Variants in MAN1C1 observed in about 807,000 individuals in gnomAD.
MAN1C1 encodes the protein mannosyl-oligosaccharide 1,2-alpha-mannosidase IC.
In MAN1C1, 49 loss-of-function variants were observed where a neutral mutation model predicts 71.5. The ratio of observed to expected loss-of-function variants is 0.69; its 90% CI spans 0.54 to 0.87. The LOEUF (loss-of-function observed/expected upper bound fraction) is 0.87. Among genes scored for constraint, MAN1C1 ranks in the 40% least tolerant of loss-of-function variants. The probability of loss-of-function intolerance (pLI) is 0.00; values close to 1 mark genes in which losing one functional copy is unlikely to be tolerated. For missense variants in MAN1C1, 743 were observed against 835.0 expected (o/e 0.89, Z 1.36); for synonymous variants, 352 against 343.7 (o/e 1.02, Z -0.27).
Position 25,753,460 on chromosome 1 carries a change from G to A in MAN1C1, c.835-24G>A. The A allele has an allele frequency of 1.9e-6, 3 of 1,587,536 alleles. No homozygotes were observed. In the Middle Eastern group the frequency reaches 5.0e-4, roughly 265 times the overall value. ...TCCCTCACCCAGCCTGGAGTCAAAA[G>A]CCCTTTGATCCCCTCCTTTACAGGT... On this transcript the variant is annotated intron_variant, in intron 4 of 11. Transcript: ENST00000374332. This position sits in a 1 kb window ranked among gnomAD's most constrained non-coding sequence, Gnocchi z 4.9.
chr1:25,622,036 G>A (rs1272912810), intron 1 of MAN1C1, among the ~76,000 whole-genome samples: 2 of 152,162 alleles, frequency 1.3e-5, no homozygotes, highest in East Asian at 3.9e-4. Flanking sequence ...ACTGGAGTTG[G>A]GACTTGCCCT....
At position 25,753,605 on chromosome 1, in the gene MAN1C1, G is replaced by A. The variant is rs1449292147; in HGVS notation, c.929+27G>A. On this transcript the variant is annotated intron_variant, in intron 5 of 11. Coordinates refer to ENST00000374332, the MANE Select transcript of MAN1C1 (RefSeq NM_020379.4). This position sits in a 1 kb window ranked among gnomAD's most constrained non-coding sequence, Gnocchi z 4.9. The stretch of plus-strand genomic sequence containing the variant: ...TAGGGCGCCATCGCGTTCCCCACTG[G>A]GGCTTTACTGCGACCATGCCCACCA... The A allele has an allele frequency of 6.3e-7, 1 of 1,594,046 alleles. No individual in the cohort carries two copies. The highest frequency in any genetic ancestry group is 1.7e-5 in the Admixed American group (1 of 59,426).
chr1:25,656,738 C>A (rs1256656435), intron 1 of MAN1C1, among the ~76,000 whole-genome samples: 1 of 151,870 alleles, frequency 6.6e-6, no homozygotes, highest in Non-Finnish European at 1.5e-5. Context: ...AAGCTGGCAT[C>A]TTGCTAGCTG....
At chr1:25,642,899 T>A (rs1228577545) in intron 1 of MAN1C1, among the ~76,000 whole-genome samples, 1 of 151,988 alleles carries the variant, frequency 6.6e-6, no homozygotes, top group Non-Finnish European at 1.5e-5. Flanking sequence ...TGTGGGGAGA[T>A]GATTGTTTGT....
chr1:25,662,884 A>G (rs1399013346), intron 1 of MAN1C1, among the ~76,000 whole-genome samples: 1 of 151,994 alleles, frequency 6.6e-6, no homozygotes, highest in Admixed American at 6.6e-5. Flanking sequence ...ATATGGTGAA[A>G]CCCCGTCTTA....
At chr1:25,661,341 C>T (rs1398198617) in intron 1 of MAN1C1, among the ~76,000 whole-genome samples, 1 of 152,200 alleles carries the variant, frequency 6.6e-6, no homozygotes, top group Non-Finnish European at 1.5e-5. Context: ...GTGCCAGGCA[C>T]CAGGGACACA....
intron 11 of MAN1C1, among the ~76,000 whole-genome samples, chr1:25,783,260 GTTC>G (rs2047721321): frequency 1.3e-5 from 2 of 152,298 alleles, no homozygotes; most frequent in African/African-American, 4.8e-5. Flanking sequence ...ACAACCCCAT[GTTC>G]TTCTCAGTGC....
chr1:25,720,688 A>G (rs1465517543), intron 2 of MAN1C1, among the ~76,000 whole-genome samples: 1 of 152,204 alleles, frequency 6.6e-6, no homozygotes, highest in African/African-American at 2.4e-5. Flanking sequence ...GATGTAGTCC[A>G]GTGTATCGAT....
chr1:25,706,171 C>A (rs756967203), intron 2 of MAN1C1, among the ~76,000 whole-genome samples: 1 of 152,158 alleles, frequency 6.6e-6, no homozygotes, highest in Non-Finnish European at 1.5e-5. Context: ...TATAAGGATG[C>A]CTGTCCCTTG....
Position 25,725,623 on chromosome 1 carries a change from G to C in MAN1C1, c.638-21045G>C, listed in dbSNP as rs2046821962. Among the ~76,000 whole-genome samples, 1 of 152,200 alleles carries C rather than the reference G, an allele frequency of 6.6e-6. No individual in the cohort carries two copies. The highest frequency in any genetic ancestry group is 2.4e-5 in the African/African-American group (1 of 41,454). ...GCTGAGGGCTTCTTGGGTTATCCTA[G>C]CTCCTCCTAGAATAAAGTGTCCTTG... On this transcript the variant is annotated intron_variant, in intron 2 of 11. Coordinates refer to ENST00000374332, the MANE Select transcript of MAN1C1 (RefSeq NM_020379.4). This position sits in a 1 kb window ranked among gnomAD's most constrained non-coding sequence, Gnocchi z 4.8.
chr1:25,688,407 C>T (rs1160582485), intron 2 of MAN1C1, among the ~76,000 whole-genome samples: 1 of 152,194 alleles, frequency 6.6e-6, no homozygotes. Context: ...TCCTCCTTCT[C>T]TCTAAACACA....
chr1:25,783,942 G>A lies in MAN1C1; in HGVS notation c.*153G>A. On this transcript the variant is annotated 3_prime_UTR_variant, in exon 12 of 12. Coordinates refer to ENST00000374332, the MANE Select transcript of MAN1C1 (RefSeq NM_020379.4). ...CAAGCAACTTCTTTTCCTCTGTGAG[G>A]AGACAAGACTTGGAGACTCAGCGAT... 9.6e-7 allele frequency: 1 copy of A among 1,036,302 alleles called. No individual in the cohort carries two copies. Among genetic ancestry groups the A allele is most frequent in the Non-Finnish European group, 1.4e-6 (1 of 732,082 alleles). 64.2% of individuals were successfully genotyped at this position (1,036,302 alleles called of 1,614,324 possible). A position where few individuals can be genotyped will look rare whatever the true frequency, so the allele number is the denominator to read the frequency against.
rs527372737 is a variant in MAN1C1, at chr1:25,768,517, CACAT to C, written c.1142-3135_1142-3132del. 1.0e-3 allele frequency among the ~76,000 whole-genome samples: 124 copies of C among 121,144 alleles called. 1 individual carries two copies. The highest frequency in any genetic ancestry group is 3.7e-3 in the African/African-American group (115 of 31,450). 79.5% of individuals were successfully genotyped at this position (121,144 alleles called of 152,430 possible). A position where few individuals can be genotyped will look rare whatever the true frequency, so the allele number is the denominator to read the frequency against. ...CAGACCCACACACCCACACTCCCCT[CACAT>C]ACATCCACACTCCCCTCACACACAC... On this transcript the variant is annotated intron_variant, in intron 7 of 11. Coordinates refer to ENST00000374332, the MANE Select transcript of MAN1C1 (RefSeq NM_020379.4).
rs2124298955 is a variant in MAN1C1, at chr1:25,730,443, C to T, written c.638-16225C>T. 6.6e-6 allele frequency among the ~76,000 whole-genome samples: 1 copy of T among 151,864 alleles called. No individual in the cohort carries two copies. Among genetic ancestry groups the T allele is most frequent in the South Asian group, 2.1e-4 (1 of 4,798 alleles). ...AGTTTTCTCAGCCATCCTCGAAAAC[C>T]TTAGCTGAGAATGACAAATACTAGG... On this transcript the variant is annotated intron_variant, in intron 2 of 11. Coordinates refer to ENST00000374332, the MANE Select transcript of MAN1C1 (RefSeq NM_020379.4). This position sits in a 1 kb window ranked among gnomAD's most constrained non-coding sequence, Gnocchi z 4.3.
intron 2 of MAN1C1, among the ~76,000 whole-genome samples, chr1:25,701,211 C>T (rs920932492): frequency 6.6e-6 from 1 of 152,212 alleles, no homozygotes; most frequent in Admixed American, 6.5e-5. Flanking sequence ...CTCCCCAGCC[C>T]AGGGGCCTGA....
chr1:25,688,926 G>A (rs756057420), intron 2 of MAN1C1, among the ~76,000 whole-genome samples: 16 of 152,134 alleles, frequency 1.1e-4, no homozygotes, highest in Non-Finnish European at 1.5e-5. Context: ...AGTAGCCTTG[G>A]CAGGGCCCAG....
At position 25,686,420 on chromosome 1, in the gene MAN1C1, T is replaced by C. The variant is rs750865565; in HGVS notation, c.541-20T>C. 1 of 1,611,142 alleles carries C rather than the reference T, an allele frequency of 6.2e-7. No individual in the cohort carries two copies. The highest frequency in any genetic ancestry group is 8.5e-7 in the Non-Finnish European group (1 of 1,177,254). On this transcript the variant is annotated intron_variant, in intron 1 of 11. Transcript: ENST00000374332. The stretch of plus-strand genomic sequence containing the variant: ...GGAATCGTCACACTGAGGTTCTCTC[T>C]ATGCTGCTTTTTCTTGCAGATGATG...
intron 1 of MAN1C1, among the ~76,000 whole-genome samples, chr1:25,619,817 T>G (rs887647198): frequency 4.6e-5 from 7 of 152,214 alleles, no homozygotes; most frequent in African/African-American, 1.7e-4. Flanking sequence ...CAAAGCTGCT[T>G]CTGAGCACAG....
At chr1:25,642,208 A>G (rs2045547313) in intron 1 of MAN1C1, among the ~76,000 whole-genome samples, 1 of 152,240 alleles carries the variant, frequency 6.6e-6, no homozygotes, top group South Asian at 2.1e-4. Context: ...TATTCTCATT[A>G]GCTAAGCAGC....
Sources: gnomAD v4.1 joint callset for allele counts (sites outside exome capture counted in the v4.1 genomes callset) on GRCh38, gnomAD v4.1.1 for gene constraint, Gnocchi (gnomAD v3.1) non-coding constraint, MANE v1.5 for transcripts, NCBI Gene and HGNC (gene_info 2026-07-23, HGNC 2026-07-21) for gene names.